INO80: variants seen among roughly 807,000 people sequenced by gnomAD.
The protein encoded by INO80 is chromatin-remodeling ATPase INO80.
Under a neutral mutation model 203.4 loss-of-function variants are expected in INO80, and 20 were observed. The ratio of observed to expected loss-of-function variants is 0.10; its 90% confidence interval spans 0.07 to 0.14. The LOEUF is 0.14. Among genes scored for constraint, INO80 ranks in the 10% least tolerant of loss-of-function variants. The pLI is 1.00. For synonymous variants in INO80, 726 were observed against 685.2 expected, an observed-to-expected ratio of 1.06 and a Z score of -0.93; for missense variants, 1,419 against 1,914.4, an observed-to-expected ratio of 0.74 and a Z score of 4.83.
chr15:41,096,043 A>G, intron 2 of INO80, 115 bp from the exon 3 acceptor site: 1 of 1,417,750 alleles, frequency 7.1e-7, no homozygotes, highest in East Asian at 2.4e-5. Context: ...TGACTTTTTT[A>G]TTTGAAAGAG....
At chr15:41,103,915 T>G (rs2045842972) in intron 1 of INO80, among the ~76,000 whole-genome samples, 2 of 151,922 alleles carry the variant, frequency 1.3e-5, no homozygotes, top group African/African-American at 4.8e-5. Context: ...GCAAAGAGGC[T>G]CTTTAAAATT....
chr15:40,982,873 T>C lies in INO80; in HGVS notation c.4442A>G (p.Asn1481Ser). ...CTGGGCTTCTGTACCTTTAGACACG[T>C]TGTACCCGTATGCGGCATAGGCAGC... Reference protein sequence around the residue: ...SAAAYAAYGYNVSKGISASSP... With the variant: ...SAAAYAAYGYSVSKGISASSP... Residue 1481 changes from asparagine (N) to serine (S), a missense_variant, in exon 35 of 36, where the codon AAC becomes AGC. Coordinates refer to ENST00000648947, the MANE Select transcript of INO80 (RefSeq NM_017553.3). 1 of 1,612,982 alleles carries C rather than the reference T, an allele frequency of 6.2e-7. No homozygotes were observed. Among genetic ancestry groups the C allele is most frequent in the South Asian group, 1.1e-5 (1 of 91,020 alleles).
intron 29 of INO80, among the ~76,000 whole-genome samples, chr15:40,989,867 G>A (rs1409921801): frequency 6.6e-6 from 1 of 152,102 alleles, no homozygotes; most frequent in Non-Finnish European, 1.5e-5. Flanking sequence ...TAATACATTT[G>A]TGTACACCTC....
At chr15:41,051,221 A>G (rs984462551) in intron 19 of INO80, among the ~76,000 whole-genome samples, 1 of 151,442 alleles carries the variant, frequency 6.6e-6, no homozygotes, top group African/African-American at 2.4e-5. Context: ...CCACTTAGCC[A>G]CAATGATCTG....
At chr15:41,092,742 T>A (rs1596322856) in intron 4 of INO80, among the ~76,000 whole-genome samples, 1 of 152,292 alleles carries the variant, frequency 6.6e-6, no homozygotes, top group East Asian at 1.9e-4. Flanking sequence ...AAAGGTCACA[T>A]TATGATAGGA....
At chr15:41,041,066 C>T (rs145447472) in intron 24 of INO80, among the ~76,000 whole-genome samples, 2 of 152,242 alleles carry the variant, frequency 1.3e-5, no homozygotes, top group East Asian at 3.9e-4. Flanking sequence ...GACAATGCCA[C>T]ATTCCTGCAA....
chr15:41,062,292 C>T (rs1157338643), intron 14 of INO80, among the ~76,000 whole-genome samples: 2 of 151,876 alleles, frequency 1.3e-5, no homozygotes, highest in Non-Finnish European at 2.9e-5. Flanking sequence ...AAGTTTTTCC[C>T]CCAGATTATC....
intron 19 of INO80, among the ~76,000 whole-genome samples, chr15:41,052,857 C>CAAAA (rs886971015): frequency 2.9e-4 from 27 of 93,546 alleles, no homozygotes; most frequent in African/African-American, 1.1e-3. Flanking sequence ...CTGGTCGCTA[C>CAAAA]AAAAAAAAAA....
chr15:41,062,289 T>C (rs556633741), intron 14 of INO80, among the ~76,000 whole-genome samples: 306 of 152,148 alleles, frequency 2.0e-3, no homozygotes, highest in African/African-American at 6.7e-3. Context: ...GGCAAGTTTT[T>C]CCCCCAGATT....
At chr15:41,086,184 GAAA>G (rs763003133) in intron 6 of INO80, among the ~76,000 whole-genome samples, 4 of 151,990 alleles carry the variant, frequency 2.6e-5, no homozygotes, top group Non-Finnish European at 5.9e-5. Flanking sequence ...GGTGGATAAA[GAAA>G]AATAAAAGAG....
chr15:41,044,845 AT>A, intron 24 of INO80, 58 bp downstream of exon 24: 1 of 1,483,196 alleles, frequency 6.7e-7, no homozygotes, highest in South Asian at 1.4e-5. Flanking sequence ...ATTTTTACTT[AT>A]TCAAGGAAAA....
intron 1 of INO80, among the ~76,000 whole-genome samples, chr15:41,098,244 T>G (rs1027863249): frequency 6.6e-6 from 1 of 152,148 alleles, no homozygotes; most frequent in African/African-American, 2.4e-5. Context: ...TCTAAAACAG[T>G]GTAACTTCTA....
intron 23 of INO80, among the ~76,000 whole-genome samples, chr15:41,045,330 T>C (rs1048110646): frequency 1.3e-5 from 2 of 152,296 alleles, no homozygotes; most frequent in East Asian, 3.9e-4. Context: ...GGCTCACGCC[T>C]GTAATTTCAA....
intron 1 of INO80, among the ~76,000 whole-genome samples, chr15:41,115,687 C>G (rs2046023223): frequency 1.3e-5 from 2 of 152,192 alleles, no homozygotes; most frequent in African/African-American, 4.8e-5. Context: ...CCTGGTCTAA[C>G]ACACTCCCCA....
intron 1 of INO80, among the ~76,000 whole-genome samples, chr15:41,099,648 G>C (rs929087924): frequency 1.3e-5 from 2 of 151,792 alleles, no homozygotes; most frequent in African/African-American, 4.8e-5. Context: ...TGAGTGTAGT[G>C]GCATGCACCT....
intron 7 of INO80, 126 bp from the exon 8 acceptor site, chr15:41,081,199 T>G (rs1371429181): frequency 1.6e-6 from 1 of 617,724 alleles, no homozygotes; most frequent in Non-Finnish European, 2.8e-6. Flanking sequence ...GATATATTAC[T>G]TCTATAAGTC....
chr15:41,016,323 C>A, intron 26 of INO80, 108 bp from the exon 27 acceptor site: 3 of 1,070,608 alleles, frequency 2.8e-6, no homozygotes, highest in Non-Finnish European at 2.7e-6. Context: ...AGATGCTTGT[C>A]ATCATGAGAT....
intron 24 of INO80, among the ~76,000 whole-genome samples, chr15:41,036,646 T>A (rs924995638): frequency 6.6e-5 from 10 of 152,194 alleles, no homozygotes; most frequent in Non-Finnish European, 1.3e-4. Context: ...CCACCAATAT[T>A]GTTATTAATA....
At position 41,079,837 on chromosome 15, in the gene INO80, G is replaced by T. The variant is rs759978928; in HGVS notation, c.995C>A (p.Thr332Asn). The T allele has an allele frequency of 1.9e-6, 3 of 1,613,970 alleles. No individual in the cohort carries two copies. The East Asian group carries it at 6.7e-5, about 36-fold the overall frequency. The change falls in exon 9 of 36, where the codon ACC becomes AAC. Residue 332 changes from threonine to asparagine, a missense_variant. By Grantham distance (65) the Thr-to-Asn change is moderately conservative. Transcript: ENST00000648947. The part of the protein sequence containing the change: ...ALQAQKNCKE[T>N]LPRARRLTKE... ...GGTGAGGCGGCGGGCACGAGGCAAG[G>T]TTTCCTTACAGTTCTTCTGGGCCTG...
Sources: allele counts gnomAD v4.1 joint callset (sites outside exome capture counted in the v4.1 genomes callset), GRCh38; gene constraint gnomAD v4.1.1; transcripts MANE v1.5; gene names NCBI Gene and HGNC (gene_info 2026-07-23, HGNC 2026-07-21).